The following GABRG3 variants were observed in gnomAD, a reference collection of about 807,000 sequenced individuals.
GABRG3 encodes gamma-aminobutyric acid receptor subunit gamma-3.
Under a neutral mutation model 48.8 loss-of-function variants are expected in GABRG3, and 25 were observed. The ratio of observed to expected loss-of-function variants is 0.51; its 90% CI spans 0.37 to 0.72. The LOEUF (loss-of-function observed/expected upper bound fraction) is 0.72. GABRG3 is among the 30% of genes least tolerant of loss of function. GABRG3 has a pLI of 0.00. For missense variants in GABRG3, 394 were observed against 577.9 expected, an observed-to-expected ratio of 0.68 and a Z score of 3.26; for synonymous variants, 227 against 217.6, an observed-to-expected ratio of 1.04 and a Z score of -0.38.
chr15:27,454,614 G>A (rs534862748), intron 5 of GABRG3, among the ~76,000 whole-genome samples: 18 of 152,264 alleles, frequency 1.2e-4, no homozygotes, highest in African/African-American at 4.3e-4. Context: ...TTCATGCTGG[G>A]AGGATTCAGA....
chr15:27,423,258 A>C (rs1293445402), intron 5 of GABRG3, among the ~76,000 whole-genome samples: 4 of 150,998 alleles, frequency 2.6e-5, no homozygotes, highest in Non-Finnish European at 5.9e-5. Flanking sequence ...AAAAAAAAAA[A>C]AAAAAAACCT....
chr15:27,148,458 C>T lies in GABRG3; in HGVS notation c.270+121637C>T, dbSNP rs1454669. Among the ~76,000 whole-genome samples, 38 of 151,960 alleles carry T rather than the reference C, an allele frequency of 2.5e-4. 1 individual carries two copies. Among genetic ancestry groups the T allele is most frequent in the African/African-American group, 8.4e-4 (35 of 41,492 alleles). On this transcript the variant is annotated intron_variant, in intron 3 of 9. Transcript: ENST00000615808. ...AACACTATTCTTTGACAAGCTTTTCCTAAAAATTGAAGAGAAAGGAATGCT... is the reference window on the plus strand; with the variant it reads ...AACACTATTCTTTGACAAGCTTTTCTTAAAAATTGAAGAGAAAGGAATGCT...
At chr15:27,343,272 A>G (rs1314966964) in intron 5 of GABRG3, among the ~76,000 whole-genome samples, 1 of 152,162 alleles carries the variant, frequency 6.6e-6, no homozygotes, top group Non-Finnish European at 1.5e-5. Flanking sequence ...CTGGCCCTGC[A>G]GTGCCTCAGT....
At chr15:27,023,474 C>T (rs1895932982) in intron 2 of GABRG3, among the ~76,000 whole-genome samples, 2 of 152,210 alleles carry the variant, frequency 1.3e-5, no homozygotes, top group Admixed American at 1.3e-4. Flanking sequence ...CCCATTTCCC[C>T]TTCCCCAGTC....
Position 27,132,471 on chromosome 15 carries a change from GTTTT to G in GABRG3, c.270+105676_270+105679del, listed in dbSNP as rs59023766. 9.3e-3 allele frequency among the ~76,000 whole-genome samples: 367 copies of G among 39,602 alleles called. 11 individuals carry two copies. Among genetic ancestry groups the G allele is most frequent in the African/African-American group, 0.031 (352 of 11,326 alleles). 26.0% of individuals were successfully genotyped at this position (39,602 alleles called of 152,430 possible). ...TGATTCAATCTTCCCAGTAGTTACA[GTTTT>G]TTTTTTTTTTTTTTTTTTTTTTTTT... On this transcript the variant is annotated intron_variant, in intron 3 of 9. Coordinates refer to ENST00000615808, the MANE Select transcript of GABRG3 (RefSeq NM_033223.5).
chr15:27,180,494 G>A lies in GABRG3; in HGVS notation c.271-146315G>A, dbSNP rs73373490. Among the ~76,000 whole-genome samples the A allele has an allele frequency of 2.0e-3, 302 of 152,018 alleles. 3 individuals are homozygous for A. Among genetic ancestry groups the A allele is most frequent in the East Asian group, 9.4e-3 (48 of 5,118 alleles). Reference sequence around the variant, plus strand: ...TGCACTAGATTCATCACGAAGCACCGACTGCTGCGCTTCCCTCAACAAACC... The same window carrying A: ...TGCACTAGATTCATCACGAAGCACCAACTGCTGCGCTTCCCTCAACAAACC... On this transcript the variant is annotated intron_variant, in intron 3 of 9. Coordinates refer to ENST00000615808, the MANE Select transcript of GABRG3 (RefSeq NM_033223.5). This position sits in a 1 kb window ranked among gnomAD's most constrained non-coding sequence, Gnocchi z 4.2.
At chr15:27,356,238 A>G (rs1894834587) in intron 5 of GABRG3, among the ~76,000 whole-genome samples, 1 of 152,156 alleles carries the variant, frequency 6.6e-6, no homozygotes, top group Non-Finnish European at 1.5e-5. Context: ...GCCACCTGGA[A>G]GAAAAAACAA....
chr15:27,388,304 GA>G lies in GABRG3; in HGVS notation c.574+59419del, dbSNP rs768770123. The stretch of plus-strand genomic sequence containing the variant: ...GGAAGGAAGGAAGAAAAGAAGGAAG[GA>G]AAGGGAGGGAGGGAAAAGAAGGAAG... On this transcript the variant is annotated intron_variant, in intron 5 of 9. Coordinates refer to ENST00000615808, the MANE Select transcript of GABRG3 (RefSeq NM_033223.5). Among the ~76,000 whole-genome samples, 44 of 38,888 alleles carry G rather than the reference GA, an allele frequency of 1.1e-3. 3 individuals carry two copies. Among genetic ancestry groups the G allele is most frequent in the East Asian group, 1.6e-3 (1 of 618 alleles). The allele number at this position is 38,888 out of a possible 152,430, so 25.5% of individuals were successfully genotyped here. A position where few individuals can be genotyped will look rare whatever the true frequency, so the allele number is the denominator to read the frequency against.
intron 5 of GABRG3, among the ~76,000 whole-genome samples, chr15:27,406,473 A>G (rs1887637388): frequency 6.6e-6 from 1 of 152,226 alleles, no homozygotes; most frequent in African/African-American, 2.4e-5. Context: ...GGACAGTGTG[A>G]TATGATGTGT....
chr15:27,515,385 G>A (rs1443014612), intron 6 of GABRG3, among the ~76,000 whole-genome samples: 2 of 152,048 alleles, frequency 1.3e-5, no homozygotes, highest in South Asian at 2.1e-4. Flanking sequence ...GAGCCACCGC[G>A]ACCGGCTGGA....
intron 3 of GABRG3, among the ~76,000 whole-genome samples, chr15:27,259,681 C>G (rs1171686156): frequency 6.6e-6 from 1 of 152,106 alleles, no homozygotes; most frequent in Admixed American, 6.6e-5. Flanking sequence ...CTTCACTTAG[C>G]AGATAGAGAG....
At chr15:27,005,286 C>T (rs1464174127) in intron 2 of GABRG3, among the ~76,000 whole-genome samples, 1 of 151,950 alleles carries the variant, frequency 6.6e-6, no homozygotes, top group Non-Finnish European at 1.5e-5. Flanking sequence ...CTGCAACCTC[C>T]GCCTCCCGGG....
At chr15:27,149,879 A>G (rs1359468219) in intron 3 of GABRG3, among the ~76,000 whole-genome samples, 2 of 152,234 alleles carry the variant, frequency 1.3e-5, no homozygotes, top group Admixed American at 6.5e-5. Flanking sequence ...GAAGCTAGCC[A>G]TAAATACTCA....
chr15:27,456,897 C>A (rs1243950505), intron 5 of GABRG3, among the ~76,000 whole-genome samples: 1 of 152,168 alleles, frequency 6.6e-6, no homozygotes, highest in Non-Finnish European at 1.5e-5. Flanking sequence ...CCCTCCCTAC[C>A]ACAGGCACCT....
intron 3 of GABRG3, among the ~76,000 whole-genome samples, chr15:27,160,607 A>G (rs1263003928): frequency 4.6e-5 from 7 of 151,240 alleles, no homozygotes; most frequent in African/African-American, 1.5e-4. Context: ...TCTTTCTAAT[A>G]CTTAGGATGT....
intron 3 of GABRG3, among the ~76,000 whole-genome samples, chr15:27,186,784 G>T (rs6422901): frequency 0.59 from 90,324 of 151,906 alleles, 27,615 homozygotes; most frequent in East Asian, 0.81. Flanking sequence ...TTCACGTTTG[G>T]TGTCTTCTTT....
chr15:27,144,473 A>G (rs1422293971), intron 3 of GABRG3, among the ~76,000 whole-genome samples: 1 of 152,248 alleles, frequency 6.6e-6, no homozygotes, highest in African/African-American at 2.4e-5. Context: ...CTCTCCCAGT[A>G]GAAATAGTCT....
intron 3 of GABRG3, among the ~76,000 whole-genome samples, chr15:27,291,873 A>G (rs1355380015): frequency 6.6e-6 from 1 of 152,178 alleles, no homozygotes; most frequent in East Asian, 1.9e-4. Flanking sequence ...GATCAGATGT[A>G]TGTGTGTGAG....
At chr15:27,152,604 GA>G (rs1898337390) in intron 3 of GABRG3, among the ~76,000 whole-genome samples, 2 of 152,172 alleles carry the variant, frequency 1.3e-5, no homozygotes, top group Admixed American at 1.3e-4. Context: ...CTGAGTTGTT[GA>G]AGTCATAAAA....
Sources: allele counts gnomAD v4.1 joint callset (sites outside exome capture counted in the v4.1 genomes callset), GRCh38; gene constraint gnomAD v4.1.1; non-coding constraint Gnocchi (gnomAD v3.1); transcripts MANE v1.5; gene names NCBI Gene and HGNC (gene_info 2026-07-23, HGNC 2026-07-21).